Variants in LRRC56 observed in about 807,000 individuals in gnomAD.
LRRC56 encodes the protein leucine-rich repeat-containing protein 56.
Under a neutral mutation model 47.8 loss-of-function variants are expected in LRRC56, and 41 were observed. The ratio of observed to expected loss-of-function variants is 0.86; its 90% CI spans 0.67 to 1.11. LRRC56 has a LOEUF of 1.11. LRRC56 is among the 50% of genes most tolerant of loss of function. The pLI, the probability that LRRC56 is intolerant of heterozygous loss-of-function variation, is 0.00. For synonymous variants in LRRC56, 387 were observed against 311.2 expected, an observed-to-expected ratio of 1.24 and a Z score of -2.56; for missense variants, 759 against 704.2, an observed-to-expected ratio of 1.08 and a Z score of -0.88.
chr11:551,452 C>G, intron 9 of LRRC56, 150 bp downstream of exon 9: 4 of 801,676 alleles, frequency 5.0e-6, no homozygotes, highest in South Asian at 1.9e-5. Context: ...ACACCCGGCC[C>G]CAGGCCAGGA....
chr11:507,203 T>C, the LRRC56 span: 1 of 151,850 alleles, frequency 6.6e-6, no homozygotes, highest in Admixed American at 6.6e-5. Context: ...GTTGAACGTG[T>C]CGACAACCCC....
At chr11:512,949 C>G in the LRRC56 span, among the ~76,000 whole-genome samples, 3 of 152,164 alleles carry the variant, frequency 2.0e-5, no homozygotes, top group African/African-American at 7.2e-5. Flanking sequence ...GGCAATGACC[C>G]CACGACCCAA....
the LRRC56 span, among the ~76,000 whole-genome samples, chr11:508,247 C>T: frequency 6.6e-6 from 1 of 152,220 alleles, no homozygotes; most frequent in East Asian, 1.9e-4. Context: ...CTCGCTGCAG[C>T]CTCCACCTCC....
At chr11:531,622 G>A in the LRRC56 span, among the ~76,000 whole-genome samples, 2 of 152,174 alleles carry the variant, frequency 1.3e-5, no homozygotes, top group Admixed American at 6.5e-5. Flanking sequence ...GGAGAGTGGG[G>A]CAGGAGCAGA....
Position 550,292 on chromosome 11 carries a change from G to A in LRRC56, c.624+20G>A, listed in dbSNP as rs762026569. The A allele has an allele frequency of 3.2e-5, 48 of 1,516,350 alleles. No homozygotes were observed. In the East Asian group the frequency reaches 8.9e-4, roughly 28 times the overall value. The allele number at this position is 1,516,350 out of a possible 1,614,324, so 93.9% of individuals were successfully genotyped here. ...AACAAGGTGCGTGTCCCGGGCACCC[G>A]GCCAGCATGTGCATGGCCAGGAGAG... On this transcript the variant is annotated intron_variant, in intron 8 of 13. Transcript: ENST00000270115.
At chr11:518,673 G>A in the LRRC56 span, among the ~76,000 whole-genome samples, 1 of 152,126 alleles carries the variant, frequency 6.6e-6, no homozygotes, top group African/African-American at 2.4e-5. Context: ...ATAACCCAGG[G>A]GAGGAGGCAC....
At chr11:535,633 G>A (rs1851453346), upstream of LRRC56, 1 of 151,796 alleles carries the variant, frequency 6.6e-6, no homozygotes, top group Admixed American at 6.6e-5. Flanking sequence ...CATTGGCTGC[G>A]CGCCATCGGG....
At chr11:532,469 C>T in the LRRC56 span, 2 of 923,978 alleles carry the variant, frequency 2.2e-6, no homozygotes, top group South Asian at 1.6e-5. Context: ...CCTTCCTCCT[C>T]CTTCCGTCTG....
In LRRC56 at chr11:554,541, C is replaced by T. The variant is rs1852650818; in HGVS notation, c.*265C>T. 3 of 419,172 alleles carry T rather than the reference C, an allele frequency of 7.2e-6. No homozygotes were observed. Among genetic ancestry groups the T allele is most frequent in the Non-Finnish European group, 1.3e-5 (3 of 237,742 alleles). 26.0% of individuals were successfully genotyped at this position (419,172 alleles called of 1,614,324 possible). ...AGCCCTTCCTTAGGGCCAGGCTTTC[C>T]CGCGGGCACGGGGGTGGGGGGTGGT... On this transcript the variant is annotated 3_prime_UTR_variant, in exon 14 of 14. Coordinates refer to ENST00000270115, the MANE Select transcript of LRRC56 (RefSeq NM_198075.4).
chr11:541,659 A>G lies in LRRC56; in HGVS notation c.265+35A>G. On this transcript the variant is annotated intron_variant, in intron 5 of 13. Transcript: ENST00000270115. This position sits in a 1 kb window ranked among gnomAD's most constrained non-coding sequence, Gnocchi z 4.1. ...TTCCCACCCCGCCATGGCCACGGCCACGGCCACGCCTCCCTGTAAACAACA... is the reference window on the plus strand; with the variant it reads ...TTCCCACCCCGCCATGGCCACGGCCGCGGCCACGCCTCCCTGTAAACAACA... The G allele has an allele frequency of 7.5e-7, 1 of 1,340,006 alleles. No individual in the cohort carries two copies. Among genetic ancestry groups the G allele is most frequent in the East Asian group, 2.5e-5 (1 of 39,426 alleles). The allele number at this position is 1,340,006 out of a possible 1,614,324, so 83.0% of individuals were successfully genotyped here. A position where few individuals can be genotyped will look rare whatever the true frequency, so the allele number is the denominator to read the frequency against.
the LRRC56 span, among the ~76,000 whole-genome samples, chr11:509,714 A>ATTTTTTT: frequency 1.6e-5 from 2 of 125,192 alleles, no homozygotes; most frequent in Non-Finnish European, 1.7e-5. Context: ...CGCCCGGCTA[A>ATTTTTTT]TTTTTTTTTT....
In LRRC56 at chr11:540,706, T is replaced by G. The variant is rs1463615364; in HGVS notation, c.22T>G (p.Ser8Ala). ...GTGAATGGATCTGGGCTGGGACAGA[T>G]CCCGTGGGCCTCGGCGGAGCACCTC... MDLGWDR[S>A]RGPRRSTSSV... Residue 8 changes from serine (S) to alanine (A), a missense_variant, in exon 4 of 14, where the codon TCC (serine) becomes GCC (alanine). Physicochemically the swap from Ser to Ala is moderately conservative, Grantham distance 99. Transcript: ENST00000270115. 1 of 1,612,684 alleles carries G rather than the reference T, an allele frequency of 6.2e-7. No homozygotes were observed.
intron 13 of LRRC56, among the ~76,000 whole-genome samples, chr11:553,666 C>T (rs1852561979): frequency 6.6e-6 from 1 of 152,186 alleles, no homozygotes; most frequent in African/African-American, 2.4e-5. Flanking sequence ...ACACAGATGA[C>T]CGAGGGTCAG....
At chr11:543,625 G>A (rs907967832) in intron 5 of LRRC56, among the ~76,000 whole-genome samples, 1 of 152,178 alleles carries the variant, frequency 6.6e-6, no homozygotes, top group African/African-American at 2.4e-5. Flanking sequence ...GTCTTGTATT[G>A]TTTTGCAATG....
At chr11:508,013 C>T in the LRRC56 span, among the ~76,000 whole-genome samples, 1 of 152,274 alleles carries the variant, frequency 6.6e-6, no homozygotes, top group Non-Finnish European at 1.5e-5. Context: ...CAAAGCGACC[C>T]CACCTCCACA....
At chr11:534,831 T>A (rs113041184), upstream of LRRC56, among the ~76,000 whole-genome samples, 2 of 152,112 alleles carry the variant, frequency 1.3e-5, no homozygotes, top group South Asian at 4.1e-4. Flanking sequence ...GAGCGCCTAC[T>A]GCGTACTAGG....
chr11:554,142 C>T lies in LRRC56; in HGVS notation c.1495C>T (p.Leu499=). 2 of 1,601,424 alleles carry T rather than the reference C, an allele frequency of 1.2e-6. No homozygotes were observed. Among genetic ancestry groups the T allele is most frequent in the Non-Finnish European group, 8.5e-7 (1 of 1,176,176 alleles). ...TGATGGGGTGGCTGCAGTGCCTGTC[C>T]TGAGAGCCCTGGAGGTGGCCTCACG... The part of the protein sequence containing the change: ...LGDGVAAVPV[L]RALEVASRLS... Residue 499 remains leucine (L), a synonymous_variant, in exon 14 of 14, where the codon CTG becomes TTG. Coordinates refer to ENST00000270115, the MANE Select transcript of LRRC56 (RefSeq NM_198075.4).
At chr11:511,335 A>AG in the LRRC56 span, among the ~76,000 whole-genome samples, 1 of 151,512 alleles carries the variant, frequency 6.6e-6, no homozygotes, top group East Asian at 1.9e-4. Context: ...AAAAAAAAAA[A>AG]AAGAAATGGG....
the LRRC56 span, among the ~76,000 whole-genome samples, chr11:526,067 C>T: frequency 1.3e-5 from 2 of 151,744 alleles, no homozygotes; most frequent in Admixed American, 6.6e-5. Flanking sequence ...ATTAGCCGGG[C>T]GTGGTGGCAG....
Sources: gnomAD v4.1 joint callset for allele counts (sites outside exome capture counted in the v4.1 genomes callset) on GRCh38, gnomAD v4.1.1 for gene constraint, Gnocchi (gnomAD v3.1) non-coding constraint, MANE v1.5 for transcripts, NCBI Gene and HGNC (gene_info 2026-07-23, HGNC 2026-07-21) for gene names.